Variants in STXBP6 observed in about 807,000 individuals in gnomAD.
STXBP6 encodes syntaxin-binding protein 6.
Under a neutral mutation model 26.9 loss-of-function variants are expected in STXBP6, and 21 were observed. The observed-to-expected ratio is 0.78, with a 90% CI of 0.55 to 1.12. STXBP6 has a LOEUF of 1.12. Among genes scored for constraint, STXBP6 ranks in the 50% most tolerant of loss-of-function variants. STXBP6 has a pLI of 0.00. For synonymous variants in STXBP6, 97 were observed against 92.6 expected (o/e 1.05, Z -0.27); for missense variants, 232 against 257.9 (o/e 0.90, Z 0.69).
intron 1 of STXBP6, among the ~76,000 whole-genome samples, chr14:25,007,487 T>C (rs1278422691): frequency 1.3e-5 from 2 of 152,208 alleles, no homozygotes; most frequent in Non-Finnish European, 2.9e-5. Flanking sequence ...GGTCCTGACA[T>C]GGTTCCCTTA....
chr14:25,043,218 A>G (rs1048409908), intron 1 of STXBP6, among the ~76,000 whole-genome samples: 4 of 152,236 alleles, frequency 2.6e-5, no homozygotes, highest in African/African-American at 4.8e-5. Context: ...ACTTGGAACA[A>G]AACCCTTTTA....
chr14:24,950,233 T>C (rs2073116309), intron 2 of STXBP6, among the ~76,000 whole-genome samples: 1 of 131,628 alleles, frequency 7.6e-6, no homozygotes, highest in Admixed American at 7.5e-5. Context: ...ACACTGCTGG[T>C]GAGAGTGTAA....
intron 2 of STXBP6, among the ~76,000 whole-genome samples, chr14:24,962,988 C>T (rs941326673): frequency 5.9e-5 from 9 of 151,844 alleles, no homozygotes; most frequent in Admixed American, 1.3e-4. Context: ...AAATAAAATT[C>T]TTGTTACCAT....
chr14:25,049,605 T>C lies in STXBP6; in HGVS notation c.-33+273A>G. On this transcript the variant is annotated intron_variant, in intron 1 of 5. Coordinates refer to ENST00000323944, the MANE Select transcript of STXBP6 (RefSeq NM_001394410.1). This position sits in a 1 kb window ranked among gnomAD's most constrained non-coding sequence, Gnocchi z 5.6. ...TCGCTCCGTTCTGCGGCTTGCCCAA[T>C]ACTGCCCGCACAACGGGTCCCAGGG... 1 of 985,350 alleles carries C rather than the reference T, an allele frequency of 1.0e-6. No individual in the cohort carries two copies. The highest frequency in any genetic ancestry group is 4.7e-5 in the South Asian group (1 of 21,280). 61.0% of individuals were successfully genotyped at this position (985,350 alleles called of 1,614,324 possible). A position where few individuals can be genotyped will look rare whatever the true frequency, so the allele number is the denominator to read the frequency against.
At chr14:25,047,839 A>C (rs2075749506) in intron 1 of STXBP6, among the ~76,000 whole-genome samples, 1 of 152,214 alleles carries the variant, frequency 6.6e-6, no homozygotes, top group Non-Finnish European at 1.5e-5. Flanking sequence ...GTTCAAGGTC[A>C]CTATTAGAGG....
At chr14:24,852,670 A>G (rs554332266) in intron 4 of STXBP6, among the ~76,000 whole-genome samples, 1 of 152,250 alleles carries the variant, frequency 6.6e-6, no homozygotes, top group East Asian at 1.9e-4. Flanking sequence ...CTTAAGAATT[A>G]TCTTAAATAT....
intron 1 of STXBP6, among the ~76,000 whole-genome samples, chr14:25,014,046 TC>T (rs1293221358): frequency 6.6e-6 from 1 of 152,202 alleles, no homozygotes; most frequent in African/African-American, 2.4e-5. Context: ...CGGATTTGTT[TC>T]AACATAATCC....
chr14:24,964,647 C>CTGTGTGTGTGTGTG (rs34132743), intron 2 of STXBP6, among the ~76,000 whole-genome samples: 10,373 of 139,960 alleles, frequency 0.074, 396 homozygotes, highest in Admixed American at 0.09. Context: ...AGTTCTCATT[C>CTGTGTGTGTGTGTG]TGTGTGTGTG....
chr14:24,974,875 A>C, intron 1 of STXBP6, 25 bp from the exon 2 acceptor site: 1 of 1,481,610 alleles, frequency 6.7e-7, no homozygotes, highest in African/African-American at 1.4e-5. Flanking sequence ...AAAGAAAGGA[A>C]AGTTGGAATT....
intron 2 of STXBP6, among the ~76,000 whole-genome samples, chr14:24,873,099 A>G (rs2069998712): frequency 6.6e-6 from 1 of 152,146 alleles, no homozygotes; most frequent in Admixed American, 6.5e-5. Flanking sequence ...CCCTACAGGT[A>G]ACGCAAAGGG....
intron 2 of STXBP6, among the ~76,000 whole-genome samples, chr14:24,903,163 T>C (rs1232697280): frequency 1.3e-5 from 2 of 152,208 alleles, no homozygotes; most frequent in Non-Finnish European, 1.5e-5. Context: ...CTTGAGGCTT[T>C]GCAGTGAAAT....
At chr14:25,017,218 A>G (rs976931514) in intron 1 of STXBP6, among the ~76,000 whole-genome samples, 2 of 152,188 alleles carry the variant, frequency 1.3e-5, no homozygotes, top group Admixed American at 6.6e-5. Context: ...TCACTCCTCT[A>G]CGGCCGCCCC....
chr14:24,864,662 CAG>C (rs1217386764), intron 2 of STXBP6, among the ~76,000 whole-genome samples: 2 of 152,046 alleles, frequency 1.3e-5, no homozygotes, highest in Non-Finnish European at 1.5e-5. Context: ...GAAAGAGTAA[CAG>C]AGAGAGAATT....
At chr14:25,015,308 A>G (rs1029229688) in intron 1 of STXBP6, among the ~76,000 whole-genome samples, 1 of 152,182 alleles carries the variant, frequency 6.6e-6, no homozygotes, top group African/African-American at 2.4e-5. Context: ...AGCTGGAGAC[A>G]GAGATATCTG....
chr14:24,988,422 C>T (rs1406198696), intron 1 of STXBP6, among the ~76,000 whole-genome samples: 1 of 152,190 alleles, frequency 6.6e-6, no homozygotes, highest in Non-Finnish European at 1.5e-5. Context: ...AATTAAGACT[C>T]TGAAGTTGCT....
At chr14:24,822,592 G>A (rs964933400) in intron 4 of STXBP6, among the ~76,000 whole-genome samples, 1 of 152,130 alleles carries the variant, frequency 6.6e-6, no homozygotes, top group African/African-American at 2.4e-5. Flanking sequence ...AATGTGGGTT[G>A]TGCCATTTAC....
At chr14:24,838,250 A>C (rs2068680216) in intron 4 of STXBP6, among the ~76,000 whole-genome samples, 1 of 152,132 alleles carries the variant, frequency 6.6e-6, no homozygotes, top group Admixed American at 6.5e-5. Flanking sequence ...GGCTCAAGCA[A>C]TCTACCCAAC....
rs141355782 is a variant in STXBP6 at position 24,833,262 on chromosome 14, C to T, written c.452-14068G>A. On this transcript the variant is annotated intron_variant, in intron 4 of 5. Coordinates refer to ENST00000323944, the MANE Select transcript of STXBP6 (RefSeq NM_001394410.1). ...TCCTCCCCTTTCATGAGCTTGGTTA[C>T]CTAAGCCACAATTCCTCTTGTAGGA... Among the ~76,000 whole-genome samples, 72 of 152,276 alleles carry T rather than the reference C, an allele frequency of 4.7e-4. No homozygotes were observed. The East Asian group carries it at 0.013, about 27-fold the overall frequency.
At chr14:24,975,618 G>A (rs1262709981) in intron 1 of STXBP6, among the ~76,000 whole-genome samples, 3 of 152,084 alleles carry the variant, frequency 2.0e-5, no homozygotes, top group Non-Finnish European at 2.9e-5. Flanking sequence ...ATGCTCCTCT[G>A]GTTAACTGGC....
Sources: gnomAD v4.1 joint callset for allele counts (sites outside exome capture counted in the v4.1 genomes callset) on GRCh38, gnomAD v4.1.1 for gene constraint, Gnocchi (gnomAD v3.1) non-coding constraint, MANE v1.5 for transcripts, NCBI Gene and HGNC (gene_info 2026-07-23, HGNC 2026-07-21) for gene names.